Variants in CTNNA3 observed in about 807,000 individuals in gnomAD.
CTNNA3 encodes the protein catenin alpha-3.
CTNNA3 carries 76 observed loss-of-function variants against 95.7 expected under a neutral mutation model. The observed-to-expected ratio is 0.79, with a 90% CI of 0.66 to 0.96. CTNNA3 has a LOEUF of 0.96. Ranked by LOEUF, CTNNA3 falls within the 40% of genes least tolerant of loss-of-function variation. CTNNA3 has a pLI of 0.00. For missense variants in CTNNA3, 1,191 were observed against 1,089.8 expected, an observed-to-expected ratio of 1.09 and a Z score of -1.31; for synonymous variants, 431 against 374.4, an observed-to-expected ratio of 1.15 and a Z score of -1.74.
chr10:66,761,546 G>C (rs12251511), intron 9 of CTNNA3, among the ~76,000 whole-genome samples: 8,623 of 152,080 alleles, frequency 0.057, 874 homozygotes, highest in African/African-American at 0.2. Flanking sequence ...TGCTCAGCAT[G>C]AATTGACTTG....
intron 7 of CTNNA3, among the ~76,000 whole-genome samples, chr10:67,073,583 A>G: frequency 6.6e-6 from 1 of 152,180 alleles, no homozygotes; most frequent in East Asian, 1.9e-4. Context: ...AAAATGAGAG[A>G]GTCATATTAA....
chr10:66,054,397 T>C lies in CTNNA3; in HGVS notation c.2159+14911A>G, dbSNP rs142622392. Among the ~76,000 whole-genome samples the C allele has an allele frequency of 8.3e-3, 1,265 of 152,292 alleles. 13 individuals are homozygous for C. Among genetic ancestry groups the C allele is most frequent in the African/African-American group, 0.029 (1,199 of 41,574 alleles). ...CATTCTCATCAGCATTTGTTACTGC[T>C]TGTCTTTTGGATAAAAGCCATTTTA... On this transcript the variant is annotated intron_variant, in intron 15 of 17. Coordinates refer to ENST00000433211, the MANE Select transcript of CTNNA3 (RefSeq NM_013266.4).
chr10:66,788,647 G>C (rs1300919276), intron 7 of CTNNA3, among the ~76,000 whole-genome samples: 8 of 152,052 alleles, frequency 5.3e-5, no homozygotes. Context: ...CAGGGAAACA[G>C]AGCTAAATGA....
chr10:67,365,731 T>C (rs1843186866), intron 5 of CTNNA3, among the ~76,000 whole-genome samples: 2 of 152,188 alleles, frequency 1.3e-5, no homozygotes, highest in Admixed American at 1.3e-4. Context: ...AAACAACAGA[T>C]GCTGGAGAGG....
intron 15 of CTNNA3, among the ~76,000 whole-genome samples, chr10:66,029,649 T>A (rs1179366432): frequency 1.3e-5 from 2 of 152,216 alleles, no homozygotes; most frequent in African/African-American, 4.8e-5. Flanking sequence ...TTTATTTACT[T>A]ACTGTGCCCA....
intron 11 of CTNNA3, among the ~76,000 whole-genome samples, chr10:66,461,391 A>G (rs919431707): frequency 1.3e-5 from 2 of 152,282 alleles, no homozygotes; most frequent in Non-Finnish European, 2.9e-5. Flanking sequence ...CAGTTCATTT[A>G]TTCATAGCTA....
At chr10:66,413,230 T>G (rs900886251) in intron 11 of CTNNA3, among the ~76,000 whole-genome samples, 2 of 152,172 alleles carry the variant, frequency 1.3e-5, no homozygotes, top group Admixed American at 6.5e-5. Context: ...ATCTGGTCCA[T>G]GGGTCAGCAC....
chr10:65,980,872 C>T (rs1052730360), intron 16 of CTNNA3, among the ~76,000 whole-genome samples: 1 of 152,082 alleles, frequency 6.6e-6, no homozygotes, highest in East Asian at 1.9e-4. Context: ...TATGACAAAC[C>T]CACAGCCAAT....
intron 13 of CTNNA3, among the ~76,000 whole-genome samples, chr10:66,262,237 T>C (rs2091027473): frequency 6.6e-6 from 1 of 152,020 alleles, no homozygotes; most frequent in Non-Finnish European, 1.5e-5. Flanking sequence ...AGGCAATTTT[T>C]CCCTCAACTT....
chr10:66,927,166 C>T lies in CTNNA3; in HGVS notation c.1048-151642G>A. On this transcript the variant is annotated intron_variant, in intron 7 of 17. Transcript: ENST00000433211. This position sits in a 1 kb window ranked among gnomAD's most constrained non-coding sequence, Gnocchi z 4.7. ...ACTTAAGTATAATCAATTTAAAGGG[C>T]TCAACCAGCTCACCTGGCTATACCT... The T allele has an allele frequency of 3.7e-6, 6 of 1,614,104 alleles. No homozygotes were observed. The highest frequency in any genetic ancestry group is 5.1e-6 in the Non-Finnish European group (6 of 1,180,000).
intron 12 of CTNNA3, among the ~76,000 whole-genome samples, chr10:66,370,570 G>A (rs2132461037): frequency 6.6e-6 from 1 of 152,252 alleles, no homozygotes; most frequent in East Asian, 1.9e-4. Context: ...TTAGTGAGAG[G>A]AGCTTTCAGA....
chr10:66,724,733 A>T (rs117882862), intron 9 of CTNNA3, among the ~76,000 whole-genome samples: 1 of 152,302 alleles, frequency 6.6e-6, no homozygotes, highest in East Asian at 1.9e-4. Flanking sequence ...TTATGTGTGA[A>T]AATCGCTATC....
chr10:66,607,472 C>CAAAAA lies in CTNNA3; in HGVS notation c.1374+14215_1374+14219dup, dbSNP rs574854850. Among the ~76,000 whole-genome samples, 40 of 45,236 alleles carry CAAAAA rather than the reference C, an allele frequency of 8.8e-4. 1 individual carries two copies. The highest frequency in any genetic ancestry group is 2.6e-3 in the East Asian group (4 of 1,550). 29.7% of individuals were successfully genotyped at this position (45,236 alleles called of 152,430 possible). A position where few individuals can be genotyped will look rare whatever the true frequency, so the allele number is the denominator to read the frequency against. On this transcript the variant is annotated intron_variant, in intron 10 of 17. Transcript: ENST00000433211. ...GAAACCAAAACCAGGCAGAGACAAC[C>CAAAAA]AAAAAAAAAAAAAAAAAAAAAAAAG...
At chr10:67,332,917 T>C (rs1445219705) in intron 5 of CTNNA3, among the ~76,000 whole-genome samples, 3 of 152,174 alleles carry the variant, frequency 2.0e-5, no homozygotes, top group African/African-American at 4.8e-5. Flanking sequence ...ATTCTTTATA[T>C]GACTCTTTAC....
chr10:66,534,641 T>A (rs1174835788), intron 10 of CTNNA3, among the ~76,000 whole-genome samples: 5 of 150,056 alleles, frequency 3.3e-5, no homozygotes, highest in African/African-American at 1.2e-4. Flanking sequence ...GGCAACCCAA[T>A]CTTTGTATCT....
intron 5 of CTNNA3, among the ~76,000 whole-genome samples, chr10:67,254,978 T>G (rs2132370991): frequency 6.6e-6 from 1 of 152,316 alleles, no homozygotes; most frequent in East Asian, 1.9e-4. Flanking sequence ...AATTTTTGTG[T>G]GATTGTTTCT....
chr10:66,298,551 C>T (rs547928066), intron 12 of CTNNA3, among the ~76,000 whole-genome samples: 9 of 152,210 alleles, frequency 5.9e-5, no homozygotes, highest in Admixed American at 2.6e-4. Context: ...TTCTCTTCCC[C>T]AGTATCCATC....
chr10:66,453,040 C>G (rs989361163), intron 11 of CTNNA3, among the ~76,000 whole-genome samples: 1 of 145,326 alleles, frequency 6.9e-6, no homozygotes, highest in African/African-American at 2.6e-5. Context: ...ACGGTGAAAC[C>G]TTGTCTCTAC....
chr10:66,452,849 T>C (rs2093473226), intron 11 of CTNNA3, among the ~76,000 whole-genome samples: 2 of 152,068 alleles, frequency 1.3e-5, no homozygotes, highest in Admixed American at 1.3e-4. Flanking sequence ...TGACTGCCTA[T>C]AATTTCATCC....
Sources: allele counts gnomAD v4.1 joint callset (sites outside exome capture counted in the v4.1 genomes callset), GRCh38; gene constraint gnomAD v4.1.1; non-coding constraint Gnocchi (gnomAD v3.1); transcripts MANE v1.5; gene names NCBI Gene and HGNC (gene_info 2026-07-23, HGNC 2026-07-21).